Variants in CDK5RAP2 observed in about 807,000 individuals in gnomAD.
The protein encoded by CDK5RAP2 is CDK5 regulatory subunit-associated protein 2.
In CDK5RAP2, 147 loss-of-function variants were observed where a neutral mutation model predicts 232.9. The ratio of observed to expected loss-of-function variants is 0.63; its 90% CI spans 0.55 to 0.72. The LOEUF is 0.72. CDK5RAP2 is among the 30% of genes least tolerant of loss of function. The probability of loss-of-function intolerance (pLI) is 0.00; values close to 1 mark genes in which losing one functional copy is unlikely to be tolerated. For synonymous variants in CDK5RAP2, 833 were observed against 833.7 expected, an observed-to-expected ratio of 1.00 and a Z score of 0.01; for missense variants, 2,195 against 2,231.5, an observed-to-expected ratio of 0.98 and a Z score of 0.33.
chr9:120,474,905 C>T (rs971191812), intron 15 of CDK5RAP2, among the ~76,000 whole-genome samples: 2 of 152,220 alleles, frequency 1.3e-5, no homozygotes, highest in Non-Finnish European at 2.9e-5. Flanking sequence ...CCTTAGCCCA[C>T]ATTCTGCCCT....
At chr9:120,570,721 C>T (rs1463058678) in intron 2 of CDK5RAP2, among the ~76,000 whole-genome samples, 2 of 152,166 alleles carry the variant, frequency 1.3e-5, no homozygotes, top group Non-Finnish European at 2.9e-5. Flanking sequence ...TGCCTGTAAT[C>T]CCAGCTACTC....
At chr9:120,485,867 G>A (rs1185644435) in intron 14 of CDK5RAP2, among the ~76,000 whole-genome samples, 1 of 152,180 alleles carries the variant, frequency 6.6e-6, no homozygotes, top group Non-Finnish European at 1.5e-5. Flanking sequence ...GAGAAATCCA[G>A]GTCTCCAGAT....
At chr9:120,573,658 C>T (rs2042933591) in intron 1 of CDK5RAP2, among the ~76,000 whole-genome samples, 2 of 152,000 alleles carry the variant, frequency 1.3e-5, no homozygotes, top group South Asian at 4.1e-4. Flanking sequence ...TACATAAATA[C>T]TGAAGTCACC....
chr9:120,541,045 A>G (rs1455349127), intron 5 of CDK5RAP2, among the ~76,000 whole-genome samples: 1 of 152,214 alleles, frequency 6.6e-6, no homozygotes, highest in Admixed American at 6.5e-5. Context: ...TCACTCCTTG[A>G]GGAGCATTAT....
intron 3 of CDK5RAP2, among the ~76,000 whole-genome samples, chr9:120,561,321 G>A (rs115967198): frequency 7.9e-5 from 12 of 152,028 alleles, no homozygotes; most frequent in African/African-American, 2.9e-4. Flanking sequence ...TTTTTAAACA[G>A]GGTCTCTCTC....
chr9:120,487,552 C>T, intron 13 of CDK5RAP2, 115 bp from the exon 14 acceptor site: 2 of 765,896 alleles, frequency 2.6e-6, no homozygotes, highest in Admixed American at 5.9e-5. Context: ...TCCTATATCC[C>T]CTACATAATT....
chr9:120,566,352 T>C (rs2042645326), intron 3 of CDK5RAP2, among the ~76,000 whole-genome samples: 4 of 152,108 alleles, frequency 2.6e-5, no homozygotes, highest in Non-Finnish European at 4.4e-5. Flanking sequence ...CAATAAAAAA[T>C]ATTAATGCCA....
intron 28 of CDK5RAP2, 88 bp downstream of exon 28, chr9:120,414,952 G>A: frequency 5.4e-6 from 8 of 1,492,274 alleles, no homozygotes; most frequent in East Asian, 2.3e-5. Context: ...TCAAGCACCT[G>A]CTTTGTACAC....
intron 25 of CDK5RAP2, among the ~76,000 whole-genome samples, 176 bp from the exon 26 acceptor site, chr9:120,422,917 C>T (rs1045180028): frequency 3.9e-5 from 6 of 152,226 alleles, no homozygotes; most frequent in African/African-American, 1.4e-4. Flanking sequence ...ATAGACTTCT[C>T]CTTTATCACT....
chr9:120,477,198 G>T, intron 15 of CDK5RAP2, 152 bp downstream of exon 15: 1 of 709,136 alleles, frequency 1.4e-6, no homozygotes, highest in Admixed American at 2.0e-5. Context: ...AAATAGGGCA[G>T]TCGCCACCCA....
At chr9:120,542,876 G>C (rs181451521) in intron 5 of CDK5RAP2, among the ~76,000 whole-genome samples, 1 of 152,152 alleles carries the variant, frequency 6.6e-6, no homozygotes. Context: ...AGACTGATGC[G>C]GGCTAGAGGA....
intron 15 of CDK5RAP2, among the ~76,000 whole-genome samples, chr9:120,474,644 C>T (rs1171992938): frequency 6.6e-6 from 1 of 152,172 alleles, no homozygotes; most frequent in Non-Finnish European, 1.5e-5. Flanking sequence ...TGCGGAACAC[C>T]GGGTGTCTTA....
intron 10 of CDK5RAP2, among the ~76,000 whole-genome samples, chr9:120,526,234 T>G (rs1273013188): frequency 6.6e-6 from 1 of 152,192 alleles, no homozygotes; most frequent in African/African-American, 2.4e-5. Flanking sequence ...GGCATGCATG[T>G]CATCTGCCTC....
chr9:120,545,816 A>T (rs1430449441), intron 4 of CDK5RAP2, 26 bp from the exon 5 acceptor site: 4 of 1,584,686 alleles, frequency 2.5e-6, no homozygotes, highest in Admixed American at 1.7e-5. Flanking sequence ...AAGAAAGAAA[A>T]GAAACAATGT....
chr9:120,397,556 AAAAAAAAAAG>A (rs1310940148), intron 35 of CDK5RAP2, among the ~76,000 whole-genome samples: 137 of 142,432 alleles, frequency 9.6e-4, no homozygotes, highest in Non-Finnish European at 1.6e-3. Context: ...AAAAAAAAAA[AAAAAAAAAAG>A]AAAAAAGAAA....
intron 34 of CDK5RAP2, among the ~76,000 whole-genome samples, chr9:120,401,938 C>T (rs758366275): frequency 3.3e-5 from 5 of 151,730 alleles, no homozygotes; most frequent in Non-Finnish European, 5.9e-5. Flanking sequence ...GAGCCAAGAT[C>T]GCACCACTGA....
intron 25 of CDK5RAP2, among the ~76,000 whole-genome samples, chr9:120,425,883 G>GCT (rs1468642852): frequency 6.6e-6 from 1 of 152,214 alleles, no homozygotes; most frequent in East Asian, 1.9e-4. Context: ...TCACCTGAGT[G>GCT]GAAAGGGTGG....
intron 12 of CDK5RAP2, among the ~76,000 whole-genome samples, chr9:120,508,526 G>T (rs983944536): frequency 3.9e-5 from 6 of 152,212 alleles, no homozygotes; most frequent in African/African-American, 1.4e-4. Flanking sequence ...TGCTAGCTGT[G>T]ATGACTGCAC....
At position 120,437,441 on chromosome 9, in the gene CDK5RAP2, G is replaced by T; in HGVS notation, c.3809C>A (p.Ser1270Tyr). 2 of 1,614,074 alleles carry T rather than the reference G, an allele frequency of 1.2e-6. No individual in the cohort carries two copies. Among genetic ancestry groups the T allele is most frequent in the Non-Finnish European group, 1.7e-6 (2 of 1,179,912 alleles). ...IKDGHGICVI[S>Y]RQHMNTMIKA... The stretch of plus-strand genomic sequence containing the variant: ...AATCATGGTGTTCATGTGTTGACGG[G>T]AGATGACACAGATGCCATGGCCATC... The change falls in exon 25 of 38, where the codon TCC becomes TAC. Residue 1270 changes from serine (S) to tyrosine (Y), a missense_variant. Coordinates refer to ENST00000349780, the MANE Select transcript of CDK5RAP2 (RefSeq NM_018249.6).
Sources: allele counts gnomAD v4.1 joint callset (sites outside exome capture counted in the v4.1 genomes callset), GRCh38; gene constraint gnomAD v4.1.1; transcripts MANE v1.5; gene names NCBI Gene and HGNC (gene_info 2026-07-23, HGNC 2026-07-21).